The following KRCC1 variants were observed in gnomAD, a reference collection of about 807,000 sequenced individuals.
KRCC1 encodes lysine rich coiled-coil 1.
KRCC1 carries 3 observed loss-of-function variants against 7.4 expected under a neutral mutation model. The observed-to-expected ratio is 0.40, with a 90% confidence interval of 0.18 to 1.04. The LOEUF (loss-of-function observed/expected upper bound fraction) is 1.04, where lower values mean the gene tolerates loss of function less well. Ranked by LOEUF, KRCC1 falls within the 50% of genes least tolerant of loss-of-function variation. The pLI, the probability that KRCC1 is intolerant of heterozygous loss-of-function variation, is 0.33. For synonymous variants in KRCC1, 102 were observed against 101.6 expected, an observed-to-expected ratio of 1.00 and a Z score of -0.02; for missense variants, 277 against 300.9, an observed-to-expected ratio of 0.92 and a Z score of 0.59.
chr2:88,045,369 TA>T (rs1673306542), intron 1 of KRCC1, among the ~76,000 whole-genome samples: 7 of 152,166 alleles, frequency 4.6e-5, no homozygotes, highest in Admixed American at 4.6e-4. Context: ...ATGTGATATA[TA>T]CCCATACAAT....
intron 1 of KRCC1, among the ~76,000 whole-genome samples, chr2:88,049,949 C>T (rs1352571627): frequency 6.6e-6 from 1 of 152,246 alleles, no homozygotes; most frequent in Non-Finnish European, 1.5e-5. Context: ...CAATGAACTA[C>T]TCCTGATATC....
At position 88,028,548 on chromosome 2, in the gene KRCC1, T is replaced by A; in HGVS notation, c.16A>T (p.Lys6Ter). 6.2e-7 allele frequency: 1 copy of A among 1,609,590 alleles called. No homozygotes were observed. The highest frequency in any genetic ancestry group is 8.5e-7 in the Non-Finnish European group (1 of 1,178,674). MKHSK[K>*]TYDSFQDELE... ...TCATCTTGAAAAGAGTCATATGTCTTCTTTGAATGCTTCATTAGGTTGACA... is the reference window on the plus strand; with the variant it reads ...TCATCTTGAAAAGAGTCATATGTCTACTTTGAATGCTTCATTAGGTTGACA... Residue 6 changes from lysine to a stop codon, truncating the protein, a stop_gained, in exon 4 of 4, where the codon AAG (lysine) becomes TAG (stop). Coordinates refer to ENST00000347055, the MANE Select transcript of KRCC1 (RefSeq NM_016618.3). LOFTEE classifies it high-confidence loss of function.
At chr2:88,037,568 CT>C (rs1303213001) in intron 1 of KRCC1, among the ~76,000 whole-genome samples, 1 of 152,146 alleles carries the variant, frequency 6.6e-6, no homozygotes, top group South Asian at 2.1e-4. Flanking sequence ...GTCACTGTAC[CT>C]GGCTAATTTT....
At chr2:88,035,983 G>C (rs551377950) in intron 2 of KRCC1, among the ~76,000 whole-genome samples, 6 of 152,246 alleles carry the variant, frequency 3.9e-5, no homozygotes, top group Non-Finnish European at 5.9e-5. Flanking sequence ...ATTAATGGTG[G>C]AGTCAAGGCT....
chr2:88,044,621 A>T (rs1385294199), intron 1 of KRCC1, among the ~76,000 whole-genome samples: 1 of 152,110 alleles, frequency 6.6e-6, no homozygotes, highest in African/African-American at 2.4e-5. Flanking sequence ...AACCACAATG[A>T]GGGGTCTGCT....
chr2:88,050,178 T>G (rs1673440562), intron 1 of KRCC1, among the ~76,000 whole-genome samples: 1 of 152,240 alleles, frequency 6.6e-6, no homozygotes, highest in Admixed American at 6.5e-5. Flanking sequence ...TAGATTTTCT[T>G]TATGTTGTTT....
intron 1 of KRCC1, among the ~76,000 whole-genome samples, chr2:88,045,034 CT>C (rs879808566): frequency 5.2e-4 from 75 of 144,314 alleles, no homozygotes; most frequent in African/African-American, 4.8e-4. Flanking sequence ...ATTTTTTGTA[CT>C]TTTTTTTTTT....
At chr2:88,047,817 C>A (rs2104624255) in intron 1 of KRCC1, among the ~76,000 whole-genome samples, 1 of 152,232 alleles carries the variant, frequency 6.6e-6, no homozygotes, top group Non-Finnish European at 1.5e-5. Context: ...GCATGAGCCA[C>A]CATGTTTGGC....
chr2:88,053,109 G>A (rs1673532738), intron 1 of KRCC1, among the ~76,000 whole-genome samples: 1 of 151,722 alleles, frequency 6.6e-6, no homozygotes, highest in African/African-American at 2.4e-5. Flanking sequence ...CATTATCAGA[G>A]GTCTTCTCGG....
At chr2:88,047,008 T>C (rs1334323586) in intron 1 of KRCC1, among the ~76,000 whole-genome samples, 1 of 152,132 alleles carries the variant, frequency 6.6e-6, no homozygotes, top group Admixed American at 6.5e-5. Flanking sequence ...GTAAAACCAC[T>C]GTGAAAGTTA....
intron 1 of KRCC1, among the ~76,000 whole-genome samples, chr2:88,046,866 G>A (rs1353527930): frequency 1.3e-5 from 2 of 151,948 alleles, no homozygotes; most frequent in Admixed American, 1.3e-4. Context: ...CAGACATGAG[G>A]TCTTGCTTTG....
At chr2:88,052,625 C>A (rs1432188571) in intron 1 of KRCC1, among the ~76,000 whole-genome samples, 3 of 152,190 alleles carry the variant, frequency 2.0e-5, no homozygotes, top group African/African-American at 7.2e-5. Context: ...TCTATCTCAT[C>A]AAAAGACTTG....
chr2:88,047,924 G>A (rs1028106209), intron 1 of KRCC1, among the ~76,000 whole-genome samples: 3 of 152,116 alleles, frequency 2.0e-5, no homozygotes, highest in African/African-American at 7.2e-5. Flanking sequence ...TTATATTTTA[G>A]GTGTCAGTAG....
intron 1 of KRCC1, among the ~76,000 whole-genome samples, chr2:88,049,407 G>A (rs1233694914): frequency 6.6e-6 from 1 of 152,154 alleles, no homozygotes; most frequent in East Asian, 1.9e-4. Flanking sequence ...ACGTCCTTGG[G>A]AAGCTGAAGT....
In KRCC1 at chr2:88,028,510, A is replaced by G. The variant is rs765124832; in HGVS notation, c.54T>C (p.Tyr18=). ...AGCCTCTGGCTTTCTGTACTTTAAT[A>G]TAATCTTCAAGTTCATCTTGAAAAG... ...YDSFQDELED[Y]IKVQKARGLE... The change falls in exon 4 of 4, where the codon TAT becomes TAC. Residue 18 remains tyrosine (Y), a synonymous_variant. Transcript: ENST00000347055. The G allele has an allele frequency of 1.2e-6, 2 of 1,613,292 alleles. No individual in the cohort carries two copies. The highest frequency in any genetic ancestry group is 1.7e-6 in the Non-Finnish European group (2 of 1,179,596).
chr2:88,048,561 G>A (rs139437518), intron 1 of KRCC1, among the ~76,000 whole-genome samples: 187 of 152,264 alleles, frequency 1.2e-3, no homozygotes, highest in Non-Finnish European at 2.0e-3. Context: ...CTCCCCTGCT[G>A]AACTCACTAT....
At chr2:88,051,364 G>T (rs1673480410) in intron 1 of KRCC1, among the ~76,000 whole-genome samples, 1 of 152,054 alleles carries the variant, frequency 6.6e-6, no homozygotes, top group Non-Finnish European at 1.5e-5. Context: ...TCGGAATTTT[G>T]AAAGTCAGAG....
At chr2:88,055,290 CG>C (rs1225473664) in intron 1 of KRCC1, among the ~76,000 whole-genome samples, 1 of 152,102 alleles carries the variant, frequency 6.6e-6, no homozygotes. Context: ...CCTCAATTTT[CG>C]AGTTTCCTCA....
Position 88,028,017 on chromosome 2 carries a change from T to C in KRCC1, c.547A>G (p.Ser183Gly), listed in dbSNP as rs1672909293. Reference sequence around the variant, plus strand: ...TTGTCTAAGTCAATTTCCTCGCAGCTTTTTTTTCTCTTATGCTTAGACCGC... The same window carrying C: ...TTGTCTAAGTCAATTTCCTCGCAGCCTTTTTTTCTCTTATGCTTAGACCGC... ...EERSKHKRKKSCEEIDLDKHK... is the reference protein window; with the variant it reads ...EERSKHKRKKGCEEIDLDKHK... Residue 183 changes from serine (S) to glycine (G), a missense_variant, in exon 4 of 4, where the codon AGC (serine) becomes GGC (glycine). Coordinates refer to ENST00000347055, the MANE Select transcript of KRCC1 (RefSeq NM_016618.3). The C allele has an allele frequency of 6.2e-7, 1 of 1,613,618 alleles. No homozygotes were observed. The highest frequency in any genetic ancestry group is 1.1e-5 in the South Asian group (1 of 91,024).
Sources: gnomAD v4.1 joint callset for allele counts (sites outside exome capture counted in the v4.1 genomes callset) on GRCh38, gnomAD v4.1.1 for gene constraint, MANE v1.5 for transcripts, NCBI Gene and HGNC (gene_info 2026-07-23, HGNC 2026-07-21) for gene names.